The following PTPRD variants were observed in gnomAD, a reference collection of about 807,000 sequenced individuals.
PTPRD encodes the protein protein tyrosine phosphatase receptor type D.
Under a neutral mutation model 214.5 loss-of-function variants are expected in PTPRD, and 34 were observed. That is an observed-to-expected ratio of 0.16 (90% CI 0.12 to 0.21). The LOEUF is 0.21. PTPRD is among the 10% of genes least tolerant of loss of function. PTPRD has a pLI of 1.00. For synonymous variants in PTPRD, 1,128 were observed against 845.7 expected (o/e 1.33, Z -5.79); for missense variants, 2,545 against 2,398.7 (o/e 1.06, Z -1.27).
At chr9:9,682,713 A>G (rs1389149783) in intron 7 of PTPRD, among the ~76,000 whole-genome samples, 8 of 151,758 alleles carry the variant, frequency 5.3e-5, no homozygotes, top group Admixed American at 5.3e-4. Flanking sequence ...TCTGGAGGCC[A>G]ACTATTCTTC....
chr9:8,886,856 G>A (rs2098494292), intron 11 of PTPRD, among the ~76,000 whole-genome samples: 1 of 152,216 alleles, frequency 6.6e-6, no homozygotes, highest in Non-Finnish European at 1.5e-5. Flanking sequence ...GTCAGGCCAT[G>A]CTTCATTCCT....
chr9:10,538,736 A>C (rs539854606), intron 2 of PTPRD, among the ~76,000 whole-genome samples: 1 of 152,246 alleles, frequency 6.6e-6, no homozygotes, highest in South Asian at 2.1e-4. Context: ...CATATAAAGG[A>C]CTTGAGACAT....
At chr9:8,702,517 A>C (rs536393457) in intron 12 of PTPRD, among the ~76,000 whole-genome samples, 2 of 152,312 alleles carry the variant, frequency 1.3e-5, no homozygotes, top group South Asian at 4.1e-4. Flanking sequence ...TAAAGCCAAC[A>C]AGGACAGTTG....
At chr9:10,295,481 C>T (rs1329146043) in intron 3 of PTPRD, among the ~76,000 whole-genome samples, 1 of 152,008 alleles carries the variant, frequency 6.6e-6, no homozygotes, top group Admixed American at 6.6e-5. Context: ...CTAAATCAGT[C>T]CCAGCTCCAC....
At chr9:8,547,666 G>A (rs958616729) in intron 14 of PTPRD, among the ~76,000 whole-genome samples, 1 of 149,430 alleles carries the variant, frequency 6.7e-6, no homozygotes, top group Admixed American at 6.7e-5. Flanking sequence ...AAAAAAGAGA[G>A]TGACTATTAT....
chr9:10,137,670 G>A (rs1472068027), intron 3 of PTPRD, among the ~76,000 whole-genome samples: 1 of 67,882 alleles, frequency 1.5e-5, no homozygotes, highest in African/African-American at 6.6e-5. Context: ...CCTGCACAAT[G>A]TGCACATGTA....
At chr9:9,688,997 A>G (rs1045173648) in intron 7 of PTPRD, among the ~76,000 whole-genome samples, 5 of 151,944 alleles carry the variant, frequency 3.3e-5, no homozygotes, top group Non-Finnish European at 7.4e-5. Flanking sequence ...CAGCATACAA[A>G]AACAACAAAA....
chr9:8,638,215 T>C (rs192532182), intron 12 of PTPRD, among the ~76,000 whole-genome samples: 269 of 152,156 alleles, frequency 1.8e-3, no homozygotes, highest in African/African-American at 6.3e-3. Flanking sequence ...ATAGCTAAAA[T>C]TGATTTTGAA....
At chr9:10,344,965 A>T (rs1008457225) in intron 2 of PTPRD, among the ~76,000 whole-genome samples, 2 of 152,188 alleles carry the variant, frequency 1.3e-5, no homozygotes, top group African/African-American at 4.8e-5. Flanking sequence ...ATCTAAAATC[A>T]TATAAATCTC....
chr9:8,942,268 T>C (rs2154295764), intron 11 of PTPRD, among the ~76,000 whole-genome samples: 1 of 152,334 alleles, frequency 6.6e-6, no homozygotes, highest in Admixed American at 6.5e-5. Context: ...TATACTTTTT[T>C]CTGGTGCAAT....
chr9:9,309,880 G>A (rs1595569551), intron 9 of PTPRD, among the ~76,000 whole-genome samples: 1 of 152,142 alleles, frequency 6.6e-6, no homozygotes, highest in East Asian at 1.9e-4. Flanking sequence ...GTTTTAATAT[G>A]GAGTAATTTA....
At chr9:8,377,952 A>G (rs534984943) in intron 37 of PTPRD, among the ~76,000 whole-genome samples, 2 of 152,184 alleles carry the variant, frequency 1.3e-5, no homozygotes, top group South Asian at 2.1e-4. Flanking sequence ...GGCCCTTCTA[A>G]GAAAGGGAGA....
intron 5 of PTPRD, among the ~76,000 whole-genome samples, chr9:9,830,147 TTTAA>T (rs2054333122): frequency 6.6e-6 from 1 of 151,770 alleles, no homozygotes; most frequent in African/African-American, 2.4e-5. Flanking sequence ...TACTTAAAAC[TTTAA>T]TAATATTTGT....
intron 3 of PTPRD, among the ~76,000 whole-genome samples, chr9:10,336,303 T>G (rs1434328785): frequency 6.6e-6 from 1 of 151,598 alleles, no homozygotes; most frequent in African/African-American, 2.4e-5. Context: ...AGGCTGAATC[T>G]CAGAATTTGG....
At chr9:8,800,820 T>A (rs763472586) in intron 11 of PTPRD, among the ~76,000 whole-genome samples, 1 of 152,160 alleles carries the variant, frequency 6.6e-6, no homozygotes, top group Admixed American at 6.5e-5. Context: ...GGGGTCTGGA[T>A]TGGGACCCCT....
At chr9:9,775,951 T>C (rs2098795096) in intron 5 of PTPRD, among the ~76,000 whole-genome samples, 2 of 37,790 alleles carry the variant, frequency 5.3e-5, no homozygotes, top group South Asian at 1.2e-3. Flanking sequence ...CAAGACTCTG[T>C]CTCAAAAAAA....
chr9:10,058,662 T>G (rs2097702706), intron 3 of PTPRD, among the ~76,000 whole-genome samples: 1 of 152,104 alleles, frequency 6.6e-6, no homozygotes, highest in Non-Finnish European at 1.5e-5. Context: ...TATGGGAATT[T>G]AAAACATTTC....
intron 7 of PTPRD, among the ~76,000 whole-genome samples, chr9:9,691,333 A>T (rs2097266323): frequency 6.6e-6 from 1 of 151,930 alleles, no homozygotes; most frequent in Admixed American, 6.6e-5. Flanking sequence ...TTCTGTTTCC[A>T]TGAGTTCAAT....
chr9:10,305,157 G>T (rs1175760867), intron 3 of PTPRD, among the ~76,000 whole-genome samples: 2 of 151,988 alleles, frequency 1.3e-5, no homozygotes, highest in African/African-American at 4.8e-5. Context: ...AATGGGGAAA[G>T]GATTCCCTAT....
Sources: gnomAD v4.1 joint callset for allele counts (sites outside exome capture counted in the v4.1 genomes callset) on GRCh38, gnomAD v4.1.1 for gene constraint, MANE v1.5 for transcripts, NCBI Gene and HGNC (gene_info 2026-07-23, HGNC 2026-07-21) for gene names.